HDX: variants seen among roughly 807,000 people sequenced by gnomAD.
HDX encodes the protein chromosome X open reading frame 43.
In HDX, 19 loss-of-function variants were observed where a neutral mutation model predicts 45.2. The observed-to-expected ratio is 0.42, with a 90% CI of 0.29 to 0.62. The LOEUF (loss-of-function observed/expected upper bound fraction) is 0.62. HDX is among the 20% of genes least tolerant of loss of function. The pLI is 0.20. For synonymous variants in HDX, 188 were observed against 172.8 expected (o/e 1.09, Z -0.69); for missense variants, 532 against 493.9 (o/e 1.08, Z -0.73).
At chrX:84,382,958 C>T (rs370532215) in intron 5 of HDX, among the ~76,000 whole-genome samples, 37 of 110,671 alleles carry the variant, frequency 3.3e-4, no homozygotes, top group East Asian at 2.8e-4. Flanking sequence ...ACATCTCATG[C>T]GCCGCATAAT....
At chrX:84,495,312 T>C (rs1418931440) in intron 1 of HDX, among the ~76,000 whole-genome samples, 2 of 111,271 alleles carry the variant, frequency 1.8e-5, no homozygotes, top group African/African-American at 6.5e-5. Context: ...TAACAATGTA[T>C]TGGATGCTTG....
At chrX:84,349,609 G>GTATATATATA (rs752855941) in intron 6 of HDX, among the ~76,000 whole-genome samples, 133 of 77,562 alleles carry the variant, frequency 1.7e-3, no homozygotes, top group African/African-American at 6.5e-3. Context: ...ATGTGTGTGT[G>GTATATATATA]TATATATATA....
At position 84,361,598 on chromosome X, in the gene HDX, A is replaced by G. The variant is rs2037624067; in HGVS notation, c.1320T>C (p.Thr440=). The change falls in exon 6 of 11, where the codon ACT becomes ACC. Residue 440 remains threonine, a synonymous_variant. Coordinates refer to ENST00000373177, the MANE Select transcript of HDX (RefSeq NM_001177479.2). ...CSRKRALQDR[T]QFSDRDLATL... ...TGGCTAAGTCTCGGTCACTGAACTG[A>G]GTGCGGTCCTGTAGCTGAAAAACAC... 3.4e-6 allele frequency: 4 copies of G among 1,186,660 alleles called. No individual in the cohort carries two copies. The highest frequency in any genetic ancestry group is 2.3e-5 in the Admixed American group (1 of 43,496).
intron 5 of HDX, among the ~76,000 whole-genome samples, chrX:84,395,028 C>T (rs2038528492): frequency 9.0e-6 from 1 of 110,892 alleles, no homozygotes; most frequent in Non-Finnish European, 1.9e-5. Context: ...TTATTCTTGT[C>T]ATCCTATGAA....
chrX:84,447,695 G>A (rs920659895), intron 4 of HDX, among the ~76,000 whole-genome samples: 23 of 111,233 alleles, frequency 2.1e-4, no homozygotes, highest in African/African-American at 6.5e-4. Flanking sequence ...CTGCATCTCC[G>A]AATCCCTGAA....
At chrX:84,372,559 G>T (rs2037922221) in intron 5 of HDX, among the ~76,000 whole-genome samples, 2 of 111,997 alleles carry the variant, frequency 1.8e-5, no homozygotes, top group Non-Finnish European at 3.8e-5. Flanking sequence ...ACCTGCTAGA[G>T]TTTTGCATTT....
chrX:84,488,493 A>AT (rs916500621), intron 1 of HDX, among the ~76,000 whole-genome samples: 1 of 111,343 alleles, frequency 9.0e-6, no homozygotes, highest in South Asian at 3.7e-4. Context: ...ACTTCTAGGC[A>AT]TTTTTTCTTG....
chrX:84,418,661 G>A (rs2039174762), intron 5 of HDX, among the ~76,000 whole-genome samples: 1 of 111,412 alleles, frequency 9.0e-6, no homozygotes, highest in Non-Finnish European at 1.9e-5. Flanking sequence ...AGTAAAAAGA[G>A]TCCAGTAAGC....
intron 3 of HDX, among the ~76,000 whole-genome samples, chrX:84,472,841 A>G (rs1374897739): frequency 9.0e-6 from 1 of 110,546 alleles, no homozygotes; most frequent in Non-Finnish European, 1.9e-5. Flanking sequence ...ACATTGCCTG[A>G]GGCTTCCCAA....
intron 5 of HDX, among the ~76,000 whole-genome samples, chrX:84,378,016 G>T (rs939043761): frequency 5.4e-5 from 6 of 111,107 alleles, no homozygotes; most frequent in Non-Finnish European, 7.6e-5. Flanking sequence ...CAAGAGAAAA[G>T]AAACAAAAAA....
intron 5 of HDX, among the ~76,000 whole-genome samples, chrX:84,424,362 A>G (rs1320353829): frequency 9.0e-6 from 1 of 111,039 alleles, no homozygotes; most frequent in Non-Finnish European, 1.9e-5. Flanking sequence ...GAAAGAATCA[A>G]TATTGTTAAT....
intron 4 of HDX, among the ~76,000 whole-genome samples, chrX:84,443,192 G>A (rs991146277): frequency 1.8e-5 from 2 of 111,506 alleles, no homozygotes; most frequent in Admixed American, 1.9e-4. Flanking sequence ...GTAGAACTCA[G>A]GAACAGCTGG....
rs1036794148 is a variant in HDX at position 84,441,066 on chromosome X, G to A, written c.1252-481C>T. Reference sequence around the variant, plus strand: ...CTTATACATACATGCTTATGAAAAAGTTGAATTATAAATTAGTTAAGAAAT... The same window carrying A: ...CTTATACATACATGCTTATGAAAAAATTGAATTATAAATTAGTTAAGAAAT... On this transcript the variant is annotated intron_variant, in intron 4 of 10. Transcript: ENST00000373177. 5.4e-5 allele frequency among the ~76,000 whole-genome samples: 6 copies of A among 110,880 alleles called. No individual in the cohort carries two copies. In the Admixed American group the frequency reaches 5.8e-4, roughly 11 times the overall value.
intron 5 of HDX, among the ~76,000 whole-genome samples, chrX:84,408,956 C>A (rs1302629091): frequency 9.0e-6 from 1 of 110,713 alleles, no homozygotes; most frequent in Admixed American, 9.7e-5. Flanking sequence ...GAGCTAGAAG[C>A]CTTCTGACAG....
intron 3 of HDX, among the ~76,000 whole-genome samples, chrX:84,472,287 A>G (rs1163496041): frequency 9.0e-6 from 1 of 111,433 alleles, no homozygotes; most frequent in African/African-American, 3.3e-5. Context: ...AGATATTTAT[A>G]TAGTGTACCC....
chrX:84,475,844 G>A (rs1437356598), intron 2 of HDX, among the ~76,000 whole-genome samples: 1 of 111,305 alleles, frequency 9.0e-6, no homozygotes, highest in Non-Finnish European at 1.9e-5. Context: ...CTGTACTCTG[G>A]AACAAAAGGG....
At chrX:84,339,314 G>A (rs1204202266) in intron 7 of HDX, among the ~76,000 whole-genome samples, 1 of 111,237 alleles carries the variant, frequency 9.0e-6, no homozygotes, top group Non-Finnish European at 1.9e-5. Flanking sequence ...ATGAAGGAAG[G>A]GAAAAAGTGT....
At chrX:84,364,319 T>C (rs2037688516) in intron 5 of HDX, among the ~76,000 whole-genome samples, 1 of 109,877 alleles carries the variant, frequency 9.1e-6, no homozygotes, top group Non-Finnish European at 1.9e-5. Context: ...TTCCACTTAA[T>C]AGTGTGTGTT....
chrX:84,381,781 C>A (rs1370059313), intron 5 of HDX, among the ~76,000 whole-genome samples: 4 of 111,197 alleles, frequency 3.6e-5, no homozygotes, highest in Admixed American at 1.9e-4. Context: ...ACCTTTAGGA[C>A]ATTGGGCTGG....
Sources: allele counts gnomAD v4.1 joint callset (sites outside exome capture counted in the v4.1 genomes callset), GRCh38; gene constraint gnomAD v4.1.1; transcripts MANE v1.5; gene names NCBI Gene and HGNC (gene_info 2026-07-23, HGNC 2026-07-21).